Variants in CHAD observed in about 807,000 individuals in gnomAD.
CHAD encodes the protein cartilage leucine-rich protein.
CHAD carries 18 observed loss-of-function variants against 24.0 expected under a neutral mutation model. The observed-to-expected ratio is 0.75, with a 90% confidence interval of 0.52 to 1.11. The LOEUF (loss-of-function observed/expected upper bound fraction) is 1.11. Ranked by LOEUF, CHAD falls within the 50% of genes most tolerant of loss-of-function variation. CHAD has a pLI of 0.00. For synonymous variants in CHAD, 195 were observed against 211.6 expected (o/e 0.92, Z 0.68); for missense variants, 440 against 467.2 (o/e 0.94, Z 0.54).
intron 2 of CHAD, 31 bp from the exon 3 acceptor site, chr17:50,465,470 G>A (rs1250949217): frequency 6.2e-7 from 1 of 1,612,212 alleles, no homozygotes; most frequent in Admixed American, 1.7e-5. Context: ...TGGGGCTGGG[G>A]AAGAAGGTGG....
At position 50,465,398 on chromosome 17, in the gene CHAD, G is replaced by A. The variant is rs375184830; in HGVS notation, c.980C>T (p.Ala327Val). Residue 327 changes from alanine to valine, a missense_variant, in exon 3 of 4, where the codon GCC (alanine) becomes GTC (valine). Coordinates refer to ENST00000508540, the MANE Select transcript of CHAD (RefSeq NM_001267.3). ...AKASRPDATC[A>V]SPAKFKGQHI... Reference sequence around the variant, plus strand: ...CTGGCCCTTGAACTTGGCAGGTGAGGCACAGGTGGCATCTGGGCGGGAGGC... The same window carrying A: ...CTGGCCCTTGAACTTGGCAGGTGAGACACAGGTGGCATCTGGGCGGGAGGC... 1.8e-4 allele frequency: 288 copies of A among 1,613,908 alleles called. No homozygotes were observed. Among genetic ancestry groups the A allele is most frequent in the Non-Finnish European group, 2.1e-4 (250 of 1,180,042 alleles).
chr17:50,466,452 C>T (rs915996925), intron 1 of CHAD, among the ~76,000 whole-genome samples: 1 of 152,196 alleles, frequency 6.6e-6, no homozygotes. Flanking sequence ...TGCCCTGGGT[C>T]ACAGCAGTGG....
chr17:50,466,490 A>C (rs1800068117), intron 1 of CHAD, among the ~76,000 whole-genome samples: 1 of 152,196 alleles, frequency 6.6e-6, no homozygotes, highest in Non-Finnish European at 1.5e-5. Context: ...GACCACACCC[A>C]GCTCCTCTTC....
Position 50,465,822 on chromosome 17 carries a change from A to C in CHAD, c.823T>G (p.Leu275Val), listed in dbSNP as rs139263357. 1 of 1,613,684 alleles carries C rather than the reference A, an allele frequency of 6.2e-7. No individual in the cohort carries two copies. Among genetic ancestry groups the C allele is most frequent in the Non-Finnish European group, 8.5e-7 (1 of 1,179,970 alleles). The stretch of plus-strand genomic sequence containing the variant: ...AGCTGGTTCAAGCGGTTGTTCTCCA[A>C]ATGGACGTGTTTCAGCGTGGTTACA... ...LGVTTLKHVH[L>V]ENNRLNQLPS... The change falls in exon 2 of 4, where the codon TTG becomes GTG. Residue 275 changes from leucine to valine, a missense_variant. Physicochemically the swap from Leu to Val is conservative, Grantham distance 32. Transcript: ENST00000508540.
Position 50,468,189 on chromosome 17 carries a change from T to C in CHAD, c.625A>G (p.Ser209Gly). 6.2e-7 allele frequency: 1 copy of C among 1,614,064 alleles called. No homozygotes were observed. ...KFHVDRNQLSSYPSAALSKLR... is the reference protein window; with the variant it reads ...KFHVDRNQLSGYPSAALSKLR... The stretch of plus-strand genomic sequence containing the variant: ...TTGCTCAGGGCAGCTGAGGGGTAGC[T>C]GGACAGCTGGTTCCTGTCCACGTGG... Residue 209 changes from serine (S) to glycine (G), a missense_variant, in exon 1 of 4, where the codon AGC (serine) becomes GGC (glycine). Physicochemically the swap from Ser to Gly is moderately conservative, Grantham distance 56. Transcript: ENST00000508540.
At chr17:50,466,930 G>T (rs1179970099) in intron 1 of CHAD, among the ~76,000 whole-genome samples, 1 of 152,214 alleles carries the variant, frequency 6.6e-6, no homozygotes, top group East Asian at 1.9e-4. Context: ...AGAAGGGCAG[G>T]CTTGAGCAGG....
In CHAD at chr17:50,468,730, G is replaced by A. The variant is rs2032922623; in HGVS notation, c.84C>T (p.His28=). 6.2e-7 allele frequency: 1 copy of A among 1,610,386 alleles called. No individual in the cohort carries two copies. Among genetic ancestry groups the A allele is most frequent in the African/African-American group, 1.3e-5 (1 of 75,042 alleles). The change falls in exon 1 of 4, where the codon CAC becomes CAT. Residue 28 remains histidine, a synonymous_variant. Coordinates refer to ENST00000508540, the MANE Select transcript of CHAD (RefSeq NM_001267.3). ...PALAACPQNC[H]CHSDLQHVIC... ...TGACGTGCTGCAGGTCGCTGTGGCAGTGGCAGTTCTGGGGGCAGGCGGCCA... is the reference window on the plus strand; with the variant it reads ...TGACGTGCTGCAGGTCGCTGTGGCAATGGCAGTTCTGGGGGCAGGCGGCCA...
At position 50,468,158 on chromosome 17, in the gene CHAD, C is replaced by T. The variant is rs183183018; in HGVS notation, c.656G>A (p.Arg219Gln). ...GGACAGCTTCAGCTCCTCCACCACC[C>T]GTAGCTTGCTCAGGGCAGCTGAGGG... The part of the protein sequence containing the change: ...SYPSAALSKL[R>Q]VVEELKLSHN... Residue 219 changes from arginine (R) to glutamine (Q), a missense_variant, in exon 1 of 4, where the codon CGG (arginine) becomes CAG (glutamine). Coordinates refer to ENST00000508540, the MANE Select transcript of CHAD (RefSeq NM_001267.3). 2.5e-6 allele frequency: 4 copies of T among 1,614,182 alleles called. No homozygotes were observed. The highest frequency in any genetic ancestry group is 4.5e-5 in the East Asian group (2 of 44,888).
Position 50,464,746 on chromosome 17 carries a change from A to G in CHAD, c.*308T>C. ...GGGAGGGTGGCCATCCTGATGACCA[A>G]CCTGTTGTGGTTCTGATTGACTTGG... On this transcript the variant is annotated 3_prime_UTR_variant, in exon 4 of 4. Transcript: ENST00000508540. 3.1e-6 allele frequency: 1 copy of G among 320,416 alleles called. No individual in the cohort carries two copies. Among genetic ancestry groups the G allele is most frequent in the South Asian group, 2.2e-5 (1 of 44,580 alleles). 19.8% of individuals were successfully genotyped at this position (320,416 alleles called of 1,614,324 possible).
At position 50,464,774 on chromosome 17, in the gene CHAD, G is replaced by C; in HGVS notation, c.*280C>G. ...TGTTGTGGTTCTGATTGACTTGGGG[G>C]GGGGGTCTCAGCAACAGCTTCTCCA... On this transcript the variant is annotated 3_prime_UTR_variant, in exon 4 of 4. Coordinates refer to ENST00000508540, the MANE Select transcript of CHAD (RefSeq NM_001267.3). 6.0e-6 allele frequency: 2 copies of C among 333,130 alleles called. 1 individual carries two copies. The highest frequency in any genetic ancestry group is 1.2e-5 in the Non-Finnish European group (2 of 169,560). 20.6% of individuals were successfully genotyped at this position (333,130 alleles called of 1,614,324 possible).
At chr17:50,466,165 C>T (rs1430408734) in intron 1 of CHAD, among the ~76,000 whole-genome samples, 3 of 149,062 alleles carry the variant, frequency 2.0e-5, no homozygotes, top group Non-Finnish European at 4.4e-5. Context: ...CAGCTCACTG[C>T]AAGCTCCGCC....
intron 1 of CHAD, chr17:50,467,743 T>G: frequency 6.3e-6 from 2 of 317,346 alleles, no homozygotes; most frequent in Non-Finnish European, 1.1e-5. Flanking sequence ...CTGCTCACAG[T>G]TGGGGGTTTG....
rs1159294110 is a variant in CHAD at position 50,465,404 on chromosome 17, G to A, written c.974C>T (p.Thr325Ile). 1 of 1,614,058 alleles carries A rather than the reference G, an allele frequency of 6.2e-7. No individual in the cohort carries two copies. The highest frequency in any genetic ancestry group is 1.3e-5 in the African/African-American group (1 of 75,002). Reference sequence around the variant, plus strand: ...CTTGAACTTGGCAGGTGAGGCACAGGTGGCATCTGGGCGGGAGGCCTTGGC... The same window carrying A: ...CTTGAACTTGGCAGGTGAGGCACAGATGGCATCTGGGCGGGAGGCCTTGGC... ...LEAKASRPDA[T>I]CASPAKFKGQ... The change falls in exon 3 of 4, where the codon ACC becomes ATC. Residue 325 changes from threonine to isoleucine, a missense_variant. Physicochemically the swap from Thr to Ile is moderately conservative, Grantham distance 89. Transcript: ENST00000508540.
Position 50,465,052 on chromosome 17 carries a change from G to A in CHAD, c.*5-3C>T, listed in dbSNP as rs2032607288. Reference sequence around the variant, plus strand: ...ACCAGGACTGGCTGGGTCAGAACCTGCAAAGAGGCAAAGATCGATGTCAGT... The same window carrying A: ...ACCAGGACTGGCTGGGTCAGAACCTACAAAGAGGCAAAGATCGATGTCAGT... On this transcript the variant is annotated splice_region_variant and splice_polypyrimidine_tract_variant and intron_variant, in intron 3 of 3. Transcript: ENST00000508540. 2 of 534,362 alleles carry A rather than the reference G, an allele frequency of 3.7e-6. No individual in the cohort carries two copies. The highest frequency in any genetic ancestry group is 6.7e-6 in the Non-Finnish European group (2 of 298,342). The allele number at this position is 534,362 out of a possible 1,614,324, so 33.1% of individuals were successfully genotyped here. A position where few individuals can be genotyped will look rare whatever the true frequency, so the allele number is the denominator to read the frequency against.
chr17:50,468,033 A>G lies in CHAD; in HGVS notation c.774+7T>C. 3.2e-6 allele frequency: 5 copies of G among 1,574,200 alleles called. No homozygotes were observed. Among genetic ancestry groups the G allele is most frequent in the Non-Finnish European group, 4.3e-6 (5 of 1,155,706 alleles). On this transcript the variant is annotated splice_region_variant and intron_variant, in intron 1 of 3. Coordinates refer to ENST00000508540, the MANE Select transcript of CHAD (RefSeq NM_001267.3). ...AACCAGGGCAGAGCCCACAGCCAGGAGCTCACCTTCTCCAGGTTGGTGTTG... is the reference window on the plus strand; with the variant it reads ...AACCAGGGCAGAGCCCACAGCCAGGGGCTCACCTTCTCCAGGTTGGTGTTG...
chr17:50,467,413 G>A (rs956132486), intron 1 of CHAD, among the ~76,000 whole-genome samples: 4 of 152,196 alleles, frequency 2.6e-5, no homozygotes, highest in African/African-American at 4.8e-5. Flanking sequence ...TTGGTCCCAC[G>A]CCTACTGAGC....
In CHAD at chr17:50,468,569, A is replaced by T; in HGVS notation, c.245T>A (p.Leu82Gln). ...CACCTCGCGGATCTGGCAGTGCTGCAGGTGCAATGACACGAGGTTCGGCAT... is the reference window on the plus strand; with the variant it reads ...CACCTCGCGGATCTGGCAGTGCTGCTGGTGCAATGACACGAGGTTCGGCAT... The part of the protein sequence containing the change: ...RAMPNLVSLH[L>Q]QHCQIREVAA... Residue 82 changes from leucine to glutamine, a missense_variant, in exon 1 of 4, where the codon CTG becomes CAG. By Grantham distance (113) the Leu-to-Gln change is moderately radical (BLOSUM62 -2). Transcript: ENST00000508540. 1 of 1,614,232 alleles carries T rather than the reference A, an allele frequency of 6.2e-7. No homozygotes were observed. The highest frequency in any genetic ancestry group is 8.5e-7 in the Non-Finnish European group (1 of 1,180,014).
In CHAD at chr17:50,464,769, T is replaced by TA. The variant is rs2032573065; in HGVS notation, c.*284_*285insT. On this transcript the variant is annotated 3_prime_UTR_variant, in exon 4 of 4. Coordinates refer to ENST00000508540, the MANE Select transcript of CHAD (RefSeq NM_001267.3). The stretch of plus-strand genomic sequence containing the variant: ...CAACCTGTTGTGGTTCTGATTGACT[T>TA]GGGGGGGGGGTCTCAGCAACAGCTT... 1 of 156,536 alleles carries TA rather than the reference T, an allele frequency of 6.4e-6. No individual in the cohort carries two copies. Among genetic ancestry groups the TA allele is most frequent in the African/African-American group, 4.1e-5 (1 of 24,382 alleles). The allele number at this position is 156,536 out of a possible 1,614,324, so 9.7% of individuals were successfully genotyped here. A position where few individuals can be genotyped will look rare whatever the true frequency, so the allele number is the denominator to read the frequency against.
chr17:50,467,722 A>C, intron 1 of CHAD: 2 of 276,250 alleles, frequency 7.2e-6, no homozygotes, highest in East Asian at 6.6e-5. Context: ...CCCAACAGGA[A>C]GAGGTGGCTG....
Sources: allele counts gnomAD v4.1 joint callset (sites outside exome capture counted in the v4.1 genomes callset), GRCh38; gene constraint gnomAD v4.1.1; transcripts MANE v1.5; gene names NCBI Gene and HGNC (gene_info 2026-07-23, HGNC 2026-07-21).